The following COG4 variants were observed in gnomAD, a reference collection of about 807,000 sequenced individuals.
COG4 encodes the protein conserved oligomeric Golgi complex subunit 4.
In COG4, 65 loss-of-function variants were observed where a neutral mutation model predicts 95.1. The ratio of observed to expected loss-of-function variants is 0.68; its 90% confidence interval spans 0.56 to 0.84. The LOEUF (loss-of-function observed/expected upper bound fraction) is 0.84, where lower values mean the gene tolerates loss of function less well. COG4 is among the 40% of genes least tolerant of loss of function. COG4 has a pLI of 0.00. For missense variants in COG4, 1,045 were observed against 989.1 expected, an observed-to-expected ratio of 1.06 and a Z score of -0.76; for synonymous variants, 421 against 374.8, an observed-to-expected ratio of 1.12 and a Z score of -1.42.
intron 1 of COG4, 25 bp from the exon 2 acceptor site, chr16:70,519,756 C>G: frequency 6.5e-7 from 1 of 1,548,302 alleles, no homozygotes; most frequent in Non-Finnish European, 8.9e-7. Context: ...AACATCCTGT[C>G]AGCAGAATGA....
At chr16:70,518,401 C>A (rs1333950668) in intron 2 of COG4, among the ~76,000 whole-genome samples, 5 of 152,116 alleles carry the variant, frequency 3.3e-5, no homozygotes, top group Non-Finnish European at 7.4e-5. Context: ...CTCTGCCACT[C>A]AGGCTAGAAT....
At chr16:70,509,424 T>A in intron 6 of COG4, 36 bp from the exon 7 acceptor site, 2 of 1,612,482 alleles carry the variant, frequency 1.2e-6, no homozygotes, top group South Asian at 2.2e-5. Flanking sequence ...ATATTCCAAG[T>A]ATTCTTCCTA....
chr16:70,519,650 C>A lies in COG4; in HGVS notation c.253G>T (p.Gly85Cys), dbSNP rs1422302119. 6.8e-6 allele frequency: 11 copies of A among 1,608,310 alleles called. No homozygotes were observed. In the East Asian group the frequency reaches 2.5e-4, roughly 36 times the overall value. The change falls in exon 2 of 19, where the codon GGT becomes TGT. Residue 85 changes from glycine (G) to cysteine (C), a missense_variant and splice_region_variant. Transcript: ENST00000323786. Reference protein sequence around the residue: ...ESKMVTLHRMGPNLQLIEGDA... With the variant: ...ESKMVTLHRMCPNLQLIEGDA... ...TCTTGCTGAGATGCACAGACTCACC[C>A]CATTCGGTGGAGAGTGACCATCTTA...
chr16:70,500,977 G>A lies in COG4; in HGVS notation c.1176C>T (p.Ala392=), dbSNP rs888468057. The part of the protein sequence containing the change: ...SSDFEVGDSM[A]SEEVKQEHQK... ...TTTTACCTTGCTTTACTTCCTCTGA[G>A]GCCATGGAGTCTCCCACCTCAAAAT... Residue 392 remains alanine, a synonymous_variant, in exon 9 of 19, where the codon GCC becomes GCT. Coordinates refer to ENST00000323786, the MANE Select transcript of COG4 (RefSeq NM_015386.3). 8 of 1,613,966 alleles carry A rather than the reference G, an allele frequency of 5.0e-6. No individual in the cohort carries two copies. The highest frequency in any genetic ancestry group is 6.8e-6 in the Non-Finnish European group (8 of 1,180,046).
intron 9 of COG4, among the ~76,000 whole-genome samples, chr16:70,498,824 CA>C (rs2049392403): frequency 6.6e-6 from 1 of 152,138 alleles, no homozygotes; most frequent in South Asian, 2.1e-4. Context: ...TAATAGGAGT[CA>C]AAAGATGTAA....
chr16:70,512,112 A>C (rs1474325646), intron 5 of COG4, 127 bp downstream of exon 5: 1 of 891,388 alleles, frequency 1.1e-6, no homozygotes, highest in African/African-American at 1.7e-5. Flanking sequence ...ATGGCTACAC[A>C]GCAAGGGCAG....
intron 8 of COG4, among the ~76,000 whole-genome samples, chr16:70,503,971 C>T (rs2049507300): frequency 6.6e-6 from 1 of 152,162 alleles, no homozygotes; most frequent in Admixed American, 6.6e-5. Context: ...CCATACTAGG[C>T]TACATCTCTT....
At chr16:70,507,517 T>C (rs2049603368) in intron 8 of COG4, among the ~76,000 whole-genome samples, 1 of 152,144 alleles carries the variant, frequency 6.6e-6, no homozygotes, top group Non-Finnish European at 1.5e-5. Flanking sequence ...AAGTACACCC[T>C]ACGATGTTGA....
chr16:70,483,213 C>T (rs1597654030), intron 14 of COG4, among the ~76,000 whole-genome samples: 1 of 41,220 alleles, frequency 2.4e-5, no homozygotes, highest in Non-Finnish European at 4.6e-5. Context: ...CTCATCTCCC[C>T]ACCCCTTCCC....
rs1273336005 is a variant in COG4 at position 70,490,331 on chromosome 16, T to C, written c.1709A>G (p.Glu570Gly). Residue 570 changes from glutamate to glycine, a missense_variant and splice_region_variant, in exon 13 of 19, where the codon GAG becomes GGG. Coordinates refer to ENST00000323786, the MANE Select transcript of COG4 (RefSeq NM_015386.3). ...ENISTLKKTL[E>G]SDCTKLFSQG... ...ACTGATAGGCAATTTCCCTCGTACC[T>C]CCAGTGTCTTCTTCAGAGTGGAGAT... The C allele has an allele frequency of 3.1e-6, 5 of 1,613,116 alleles. No individual in the cohort carries two copies. In the Admixed American group the frequency reaches 6.7e-5, roughly 22 times the overall value.
intron 12 of COG4, among the ~76,000 whole-genome samples, chr16:70,490,861 A>G (rs527849336): frequency 1.3e-5 from 2 of 151,894 alleles, no homozygotes; most frequent in South Asian, 2.1e-4. Context: ...GGGTTTCACC[A>G]TGTTAGCCAG....
At chr16:70,490,881 G>A (rs141720712) in intron 12 of COG4, among the ~76,000 whole-genome samples, 1 of 151,898 alleles carries the variant, frequency 6.6e-6, no homozygotes, top group African/African-American at 2.4e-5. Flanking sequence ...GGATGGTCTT[G>A]ATCTCCTGAC....
intron 8 of COG4, among the ~76,000 whole-genome samples, chr16:70,504,609 T>TAAAAA (rs66751123): frequency 8.2e-6 from 1 of 121,944 alleles, no homozygotes; most frequent in African/African-American, 3.6e-5. Context: ...AGATTCTATT[T>TAAAAA]AAAAAAAAAA....
chr16:70,486,083 G>C (rs1477735874), intron 13 of COG4, among the ~76,000 whole-genome samples: 1 of 151,796 alleles, frequency 6.6e-6, no homozygotes, highest in Non-Finnish European at 1.5e-5. Context: ...TTTTAGTAGA[G>C]ATGGGGTTTC....
intron 6 of COG4, 61 bp downstream of exon 6, chr16:70,509,855 G>T (rs1477789404): frequency 8.1e-7 from 1 of 1,238,930 alleles, no homozygotes; most frequent in Non-Finnish European, 1.2e-6. Context: ...TGAGAAGAAA[G>T]GCTAGGATGC....
chr16:70,523,375 C>G lies in COG4; in HGVS notation c.169G>C (p.Glu57Gln). The G allele has an allele frequency of 1.2e-6, 2 of 1,614,160 alleles. No individual in the cohort carries two copies. The highest frequency in any genetic ancestry group is 8.5e-7 in the Non-Finnish European group (1 of 1,180,014). Reference protein sequence around the residue: ...EAVYERLCGEEKVVERELDAL... With the variant: ...EAVYERLCGEQKVVERELDAL... ...AAAGAAGAGGCTCGACCCCGCACCTCCTCGCCGCAGAGCCGTTCGTATACA... is the reference window on the plus strand; with the variant it reads ...AAAGAAGAGGCTCGACCCCGCACCTGCTCGCCGCAGAGCCGTTCGTATACA... The change falls in exon 1 of 19, where the codon GAG (glutamate) becomes CAG (glutamine). Residue 57 changes from glutamate to glutamine, a missense_variant and splice_region_variant. Transcript: ENST00000323786.
At position 70,496,369 on chromosome 16, in the gene COG4, C is replaced by T. The variant is rs376657474; in HGVS notation, c.1544G>A (p.Arg515His). The change falls in exon 12 of 19, where the codon CGC becomes CAC. Residue 515 changes from arginine to histidine, a missense_variant. By Grantham distance (29) the Arg-to-His change is conservative. Transcript: ENST00000323786. The part of the protein sequence containing the change: ...FPATTFQDIQ[R>H]GVTSAVNIMH... ...GATGTTCACGGCACTTGTCACCCCG[C>T]GCTGGATGTCCTGGAAGGTGGTGGC... 5 of 1,614,142 alleles carry T rather than the reference C, an allele frequency of 3.1e-6. No individual in the cohort carries two copies. The highest frequency in any genetic ancestry group is 2.2e-5 in the East Asian group (1 of 44,876).
chr16:70,490,015 G>A (rs1303119000), intron 13 of COG4, among the ~76,000 whole-genome samples: 14 of 151,334 alleles, frequency 9.3e-5, no homozygotes, highest in South Asian at 2.1e-4. Context: ...ATGGGGTTTC[G>A]CCATGTTGGC....
intron 15 of COG4, 92 bp downstream of exon 15, chr16:70,482,637 G>T: frequency 1.0e-6 from 1 of 1,004,398 alleles, no homozygotes; most frequent in Non-Finnish European, 1.6e-6. Context: ...AAGCATGGAA[G>T]GTCTAGTCTG....
Sources: allele counts gnomAD v4.1 joint callset (sites outside exome capture counted in the v4.1 genomes callset), GRCh38; gene constraint gnomAD v4.1.1; transcripts MANE v1.5; gene names NCBI Gene and HGNC (gene_info 2026-07-23, HGNC 2026-07-21).